Variants in ME1 observed in about 807,000 individuals in gnomAD.
ME1 encodes NADP-dependent malic enzyme.
A neutral mutation model predicts 66.4 loss-of-function variants in ME1; 74 were observed. That is an observed-to-expected ratio of 1.11 (90% CI 0.92 to 1.35). ME1 has a LOEUF of 1.35. Ranked by LOEUF, ME1 falls within the 40% of genes most tolerant of loss-of-function variation. The probability of loss-of-function intolerance (pLI) is 0.00; values close to 1 mark genes in which losing one functional copy is unlikely to be tolerated. For missense variants in ME1, 750 were observed against 694.1 expected (o/e 1.08, Z -0.90); for synonymous variants, 251 against 235.6 (o/e 1.07, Z -0.60).
At chr6:83,399,967 T>C (rs535595834) in intron 2 of ME1, among the ~76,000 whole-genome samples, 2 of 152,354 alleles carry the variant, frequency 1.3e-5, no homozygotes, top group South Asian at 4.1e-4. Flanking sequence ...AAATCAATGG[T>C]CCATTCTCAG....
chr6:83,227,857 G>A (rs1790227626), intron 10 of ME1, among the ~76,000 whole-genome samples: 2 of 152,048 alleles, frequency 1.3e-5, no homozygotes, highest in Non-Finnish European at 2.9e-5. Context: ...ATAAACCAAC[G>A]CTATCACTTA....
At chr6:83,302,828 G>A (rs2128537009) in intron 6 of ME1, among the ~76,000 whole-genome samples, 1 of 152,222 alleles carries the variant, frequency 6.6e-6, no homozygotes, top group South Asian at 2.1e-4. Flanking sequence ...GGTGGAGGAT[G>A]GCAGACAGGA....
intron 11 of ME1, among the ~76,000 whole-genome samples, chr6:83,226,620 T>C (rs1020340985): frequency 1.3e-5 from 2 of 152,160 alleles, no homozygotes; most frequent in South Asian, 4.1e-4. Context: ...GGATATATGA[T>C]TAAAATAGAG....
At chr6:83,407,108 C>A (rs1322484692) in intron 2 of ME1, among the ~76,000 whole-genome samples, 3 of 152,032 alleles carry the variant, frequency 2.0e-5, no homozygotes, top group Non-Finnish European at 4.4e-5. Flanking sequence ...TCACAACAAT[C>A]TTTTCAAATA....
intron 3 of ME1, among the ~76,000 whole-genome samples, chr6:83,387,996 T>C (rs1561999434): frequency 6.6e-6 from 1 of 152,136 alleles, no homozygotes. Flanking sequence ...ACCCTTCTAC[T>C]TGGAAGTCCG....
intron 6 of ME1, among the ~76,000 whole-genome samples, chr6:83,254,787 T>C (rs894478463): frequency 2.6e-5 from 4 of 152,164 alleles, no homozygotes; most frequent in Non-Finnish European, 5.9e-5. Flanking sequence ...TACTGGTCCT[T>C]TCCTGTCCCC....
chr6:83,319,047 G>A (rs1033514144), intron 5 of ME1, among the ~76,000 whole-genome samples: 3 of 149,932 alleles, frequency 2.0e-5, no homozygotes, highest in African/African-American at 7.4e-5. Flanking sequence ...GTAAACTATT[G>A]CAAGAACAAA....
rs1583417454 is a variant in ME1 at position 83,398,597 on chromosome 6, A to T, written c.213-81T>A. 4 of 716,272 alleles carry T rather than the reference A, an allele frequency of 5.6e-6. No homozygotes were observed. The East Asian group carries it at 1.2e-4, about 21-fold the overall frequency. 44.4% of individuals were successfully genotyped at this position (716,272 alleles called of 1,614,324 possible). On this transcript the variant is annotated intron_variant, in intron 2 of 13. Coordinates refer to ENST00000369705, the MANE Select transcript of ME1 (RefSeq NM_002395.6). ...TTAGAAATCTAATTAAATATTTTCA[A>T]CCAAGTATAAAGTACATTTAGGTTA... is the stretch of plus-strand genomic sequence containing the variant.
At chr6:83,401,176 T>C (rs1379748775) in intron 2 of ME1, among the ~76,000 whole-genome samples, 1 of 152,142 alleles carries the variant, frequency 6.6e-6, no homozygotes, top group African/African-American at 2.4e-5. Context: ...TAATAATTTG[T>C]ATTTAAAAAT....
chr6:83,261,633 G>C (rs144235826), intron 6 of ME1, among the ~76,000 whole-genome samples: 1 of 151,984 alleles, frequency 6.6e-6, no homozygotes, highest in East Asian at 1.9e-4. Context: ...GTTAAAGTGC[G>C]GGTTTCCAGT....
intron 9 of ME1, among the ~76,000 whole-genome samples, chr6:83,230,472 G>A (rs1790283968): frequency 6.6e-6 from 1 of 152,098 alleles, no homozygotes. Flanking sequence ...TACCTCATCA[G>A]GTTGTTTGTG....
intron 5 of ME1, among the ~76,000 whole-genome samples, chr6:83,323,044 A>G (rs564370263): frequency 1.5e-4 from 23 of 152,306 alleles, no homozygotes; most frequent in Admixed American, 1.1e-3. Flanking sequence ...AATTTCATAT[A>G]CAGCCAAGAT....
At chr6:83,237,009 G>A (rs867002588) in intron 9 of ME1, among the ~76,000 whole-genome samples, 4 of 148,882 alleles carry the variant, frequency 2.7e-5, no homozygotes, top group Middle Eastern at 6.9e-3. Context: ...AGACCAGCTT[G>A]GGAAACACAG....
At chr6:83,248,926 C>T (rs995129918) in intron 7 of ME1, among the ~76,000 whole-genome samples, 4 of 152,140 alleles carry the variant, frequency 2.6e-5, no homozygotes, top group African/African-American at 9.7e-5. Context: ...ATTCTTAACA[C>T]CTGGAAATTT....
At chr6:83,346,066 C>A in intron 5 of ME1, 107 bp downstream of exon 5, 3 of 894,930 alleles carry the variant, frequency 3.4e-6, no homozygotes, top group Non-Finnish European at 3.3e-6. Flanking sequence ...GAAAGAGAAC[C>A]AGACAAAAAA....
intron 1 of ME1, among the ~76,000 whole-genome samples, chr6:83,425,836 T>C (rs1319390452): frequency 6.6e-6 from 1 of 152,216 alleles, no homozygotes; most frequent in East Asian, 1.9e-4. Context: ...TATTCTCATG[T>C]TTTTAGAGAA....
chr6:83,388,566 A>G (rs1241665720), intron 3 of ME1, among the ~76,000 whole-genome samples: 2 of 152,200 alleles, frequency 1.3e-5, no homozygotes, highest in African/African-American at 4.8e-5. Flanking sequence ...TATTAAATCT[A>G]ATTCTCACCA....
At chr6:83,296,636 C>G (rs1203251092) in intron 6 of ME1, among the ~76,000 whole-genome samples, 3 of 152,172 alleles carry the variant, frequency 2.0e-5, no homozygotes, top group African/African-American at 7.2e-5. Context: ...CTCACTACTC[C>G]TATTAAACAC....
chr6:83,279,193 C>T (rs1457899939), intron 6 of ME1, among the ~76,000 whole-genome samples: 3 of 152,188 alleles, frequency 2.0e-5, no homozygotes, highest in African/African-American at 7.2e-5. Flanking sequence ...TCAAACACAG[C>T]TTAACTCCTA....
Sources: gnomAD v4.1 joint callset for allele counts (sites outside exome capture counted in the v4.1 genomes callset) on GRCh38, gnomAD v4.1.1 for gene constraint, MANE v1.5 for transcripts, NCBI Gene and HGNC (gene_info 2026-07-23, HGNC 2026-07-21) for gene names.